LDLRAD3: variants seen among roughly 807,000 people sequenced by gnomAD.
LDLRAD3 encodes low-density lipoprotein receptor class A domain-containing protein 3.
A neutral mutation model predicts 29.4 loss-of-function variants in LDLRAD3; 20 were observed. That is an observed-to-expected ratio of 0.68 (90% CI 0.48 to 0.99). The LOEUF (loss-of-function observed/expected upper bound fraction) is 0.99, where lower values mean the gene tolerates loss of function less well. Among genes scored for constraint, LDLRAD3 ranks in the 50% least tolerant of loss-of-function variants. LDLRAD3 has a pLI of 0.00. For synonymous variants in LDLRAD3, 157 were observed against 192.7 expected (o/e 0.81, Z 1.53); for missense variants, 420 against 454.3 (o/e 0.92, Z 0.69).
At chr11:36,088,746 G>A (rs188345708) in intron 3 of LDLRAD3, among the ~76,000 whole-genome samples, 9 of 152,252 alleles carry the variant, frequency 5.9e-5, no homozygotes, top group Admixed American at 1.3e-4. Context: ...AAGCTGCATC[G>A]TCAAGGTCTC....
chr11:36,095,125 A>G (rs1853340029), intron 3 of LDLRAD3, among the ~76,000 whole-genome samples: 1 of 152,310 alleles, frequency 6.6e-6, no homozygotes, highest in African/African-American at 2.4e-5. Context: ...GTTGAAGGCT[A>G]TGGTGAGGTA....
At position 36,116,350 on chromosome 11, in the gene LDLRAD3, G is replaced by A. The variant is rs149326505; in HGVS notation, c.454+17889G>A. On this transcript the variant is annotated intron_variant, in intron 4 of 5. Transcript: ENST00000315571. ...CCAGCTTGGTTCCATCTGGTATCTT[G>A]CTTCCTGGCCTAACAAAAAAAGGAA... Among the ~76,000 whole-genome samples, 7 of 152,174 alleles carry A rather than the reference G, an allele frequency of 4.6e-5. 1 individual carries two copies. The highest frequency in any genetic ancestry group is 1.7e-4 in the African/African-American group (7 of 41,454).
intron 4 of LDLRAD3, among the ~76,000 whole-genome samples, chr11:36,118,716 CA>C (rs1264346274): frequency 1.3e-5 from 2 of 152,012 alleles, no homozygotes; most frequent in African/African-American, 4.8e-5. Flanking sequence ...TTAATTCCCC[CA>C]TTTAAAGCAC....
At chr11:36,041,884 G>A (rs1004656461) in intron 2 of LDLRAD3, among the ~76,000 whole-genome samples, 1 of 151,986 alleles carries the variant, frequency 6.6e-6, no homozygotes, top group African/African-American at 2.4e-5. Flanking sequence ...TGGTTGAGGG[G>A]GGTGTGGAGG....
At chr11:36,158,630 A>C (rs1854390408) in intron 4 of LDLRAD3, among the ~76,000 whole-genome samples, 1 of 150,822 alleles carries the variant, frequency 6.6e-6, no homozygotes, top group Non-Finnish European at 1.5e-5. Context: ...CTACCATGTA[A>C]ATTCTGTGAG....
intron 4 of LDLRAD3, among the ~76,000 whole-genome samples, chr11:36,119,950 T>C (rs1436905478): frequency 6.6e-6 from 1 of 152,134 alleles, no homozygotes. Context: ...CTTTTAAGAG[T>C]TTTGTAGTTT....
At chr11:36,187,006 G>A (rs939458265) in intron 4 of LDLRAD3, among the ~76,000 whole-genome samples, 3 of 152,116 alleles carry the variant, frequency 2.0e-5, no homozygotes, top group African/African-American at 7.2e-5. Flanking sequence ...TACCAGCTGG[G>A]AGGAGATACA....
At chr11:36,138,317 G>T (rs780679593) in intron 4 of LDLRAD3, among the ~76,000 whole-genome samples, 12 of 152,240 alleles carry the variant, frequency 7.9e-5, no homozygotes, top group Non-Finnish European at 1.3e-4. Flanking sequence ...AATGTGTGTC[G>T]TGCCTAGCAC....
rs868007266 is a variant in LDLRAD3, at chr11:35,944,358, G to A, written c.46+214G>A. ...GTCCTATTGTGTGGGCGTGCGCGCC[G>A]GGTCGTGTTGTGCTGTGTGCGCGGG... is the stretch of plus-strand genomic sequence containing the variant. On this transcript the variant is annotated intron_variant, in intron 1 of 5. Transcript: ENST00000315571. This position sits in a 1 kb window ranked among gnomAD's most constrained non-coding sequence, Gnocchi z 4.9. Among the ~76,000 whole-genome samples, 1 of 151,992 alleles carries A rather than the reference G, an allele frequency of 6.6e-6. No individual in the cohort carries two copies. Among genetic ancestry groups the A allele is most frequent in the Admixed American group, 6.5e-5 (1 of 15,278 alleles).
rs189242003 is a variant in LDLRAD3 at position 36,096,364 on chromosome 11, G to A, written c.320-1963G>A. Among the ~76,000 whole-genome samples, 524 of 152,234 alleles carry A rather than the reference G, an allele frequency of 3.4e-3. 2 individuals carry two copies. The highest frequency in any genetic ancestry group is 0.012 in the African/African-American group (508 of 41,552). On this transcript the variant is annotated intron_variant, in intron 3 of 5. Coordinates refer to ENST00000315571, the MANE Select transcript of LDLRAD3 (RefSeq NM_174902.4). ...AGGACCACAGAGAGACGCTAGAGCT[G>A]GTGTGGCCCTGATCCTGTAGCAACA...
chr11:35,998,183 G>C (rs576682866), intron 1 of LDLRAD3, among the ~76,000 whole-genome samples: 1 of 152,126 alleles, frequency 6.6e-6, no homozygotes. Context: ...TTTTTAAAGG[G>C]GGAACTCTGA....
rs534953403 is a variant in LDLRAD3, at chr11:36,205,657, T to A, written c.455-21428T>A. On this transcript the variant is annotated intron_variant, in intron 4 of 5. Transcript: ENST00000315571. ...TCAGAATAGCTCCATTTGGGGCCTG[T>A]GCTGCTGAGACCACAAGGGAAGTTT... 3.3e-5 allele frequency among the ~76,000 whole-genome samples: 5 copies of A among 152,238 alleles called. No individual in the cohort carries two copies. In the South Asian group the frequency reaches 1.0e-3, roughly 31 times the overall value.
intron 4 of LDLRAD3, among the ~76,000 whole-genome samples, chr11:36,171,021 C>T (rs930848626): frequency 4.6e-5 from 7 of 152,024 alleles, no homozygotes; most frequent in East Asian, 3.9e-4. Flanking sequence ...AGGATGGTAT[C>T]GATCTCTTGA....
chr11:36,080,155 C>T (rs764705307), intron 2 of LDLRAD3, among the ~76,000 whole-genome samples: 9 of 152,184 alleles, frequency 5.9e-5, no homozygotes, highest in Non-Finnish European at 1.2e-4. Flanking sequence ...ATGGCCCTTC[C>T]TTCTTGGAGG....
chr11:36,196,333 C>G (rs888051485), intron 4 of LDLRAD3: 1 of 152,146 alleles, frequency 6.6e-6, no homozygotes. Context: ...CACCTGCAGC[C>G]CGTGAAGTCA....
chr11:35,950,394 G>A (rs979134159), intron 1 of LDLRAD3, among the ~76,000 whole-genome samples: 9 of 152,160 alleles, frequency 5.9e-5, no homozygotes, highest in Admixed American at 4.6e-4. Context: ...ACTGGTATAC[G>A]TGTATTGGTG....
chr11:36,111,745 G>A (rs557368335), intron 4 of LDLRAD3, among the ~76,000 whole-genome samples: 5 of 152,176 alleles, frequency 3.3e-5, no homozygotes, highest in African/African-American at 7.2e-5. Flanking sequence ...GATTACAGGC[G>A]CCTGCCACCA....
At chr11:36,116,969 G>A (rs1255200811) in intron 4 of LDLRAD3, among the ~76,000 whole-genome samples, 1 of 151,772 alleles carries the variant, frequency 6.6e-6, no homozygotes, top group Non-Finnish European at 1.5e-5. Flanking sequence ...AGCCTCCTGA[G>A]TAGCTGGGAC....
In LDLRAD3 at chr11:36,092,358, A is replaced by G. The variant is rs144923010; in HGVS notation, c.320-5969A>G. 2.3e-3 allele frequency among the ~76,000 whole-genome samples: 348 copies of G among 152,296 alleles called. 1 individual carries two copies. Among genetic ancestry groups the G allele is most frequent in the African/African-American group, 7.7e-3 (322 of 41,552 alleles). Reference sequence around the variant, plus strand: ...TGGGGTACAGGAGAAATTTTGTTACATACACATAATGCATGATGTGATCAA... The same window carrying G: ...TGGGGTACAGGAGAAATTTTGTTACGTACACATAATGCATGATGTGATCAA... On this transcript the variant is annotated intron_variant, in intron 3 of 5. Coordinates refer to ENST00000315571, the MANE Select transcript of LDLRAD3 (RefSeq NM_174902.4).
Sources: gnomAD v4.1 joint callset for allele counts (sites outside exome capture counted in the v4.1 genomes callset) on GRCh38, gnomAD v4.1.1 for gene constraint, Gnocchi (gnomAD v3.1) non-coding constraint, MANE v1.5 for transcripts, NCBI Gene and HGNC (gene_info 2026-07-23, HGNC 2026-07-21) for gene names.